ITSN2: variants seen among roughly 807,000 people sequenced by gnomAD.
ITSN2 encodes intersectin-2.
A neutral mutation model predicts 243.7 loss-of-function variants in ITSN2; 156 were observed. The observed-to-expected ratio is 0.64, with a 90% CI of 0.56 to 0.73. The LOEUF (loss-of-function observed/expected upper bound fraction) is 0.73, where lower values mean the gene tolerates loss of function less well. Among genes scored for constraint, ITSN2 ranks in the 30% least tolerant of loss-of-function variants. The pLI is 0.00. For missense variants in ITSN2, 1,801 were observed against 1,996.1 expected (o/e 0.90, Z 1.86); for synonymous variants, 703 against 699.9 (o/e 1.00, Z -0.07).
intron 20 of ITSN2, among the ~76,000 whole-genome samples, chr2:24,269,694 T>C (rs1677109659): frequency 6.6e-6 from 1 of 152,216 alleles, no homozygotes; most frequent in Admixed American, 6.5e-5. Context: ...TCTTATTCAC[T>C]AAATCCCTAG....
intron 29 of ITSN2, among the ~76,000 whole-genome samples, chr2:24,244,582 T>C (rs1220455062): frequency 6.6e-6 from 1 of 152,150 alleles, no homozygotes; most frequent in Non-Finnish European, 1.5e-5. Flanking sequence ...CCAAACCCAG[T>C]AGGTCTGAAA....
intron 2 of ITSN2, among the ~76,000 whole-genome samples, chr2:24,320,712 A>C (rs1684465215): frequency 7.0e-6 from 1 of 142,800 alleles, no homozygotes; most frequent in African/African-American, 2.6e-5. Flanking sequence ...GTCTCAACAA[A>C]AAACAAACAA....
At chr2:24,289,485 G>C (rs1311041456) in intron 15 of ITSN2, among the ~76,000 whole-genome samples, 1 of 152,176 alleles carries the variant, frequency 6.6e-6, no homozygotes, top group African/African-American at 2.4e-5. Flanking sequence ...TCATGTATTA[G>C]TTCTAAGTTT....
At chr2:24,285,181 C>T (rs568197082) in intron 16 of ITSN2, among the ~76,000 whole-genome samples, 8 of 152,264 alleles carry the variant, frequency 5.3e-5, no homozygotes, top group African/African-American at 1.9e-4. Flanking sequence ...AGGCATGAGC[C>T]ACCATGCCCA....
chr2:24,277,550 T>C (rs1678169378), intron 17 of ITSN2, among the ~76,000 whole-genome samples: 3 of 152,158 alleles, frequency 2.0e-5, no homozygotes, highest in African/African-American at 4.8e-5. Flanking sequence ...CTAAATTCTA[T>C]TGAAAAGCAG....
intron 29 of ITSN2, among the ~76,000 whole-genome samples, chr2:24,233,323 A>G (rs1050551738): frequency 2.6e-5 from 4 of 152,176 alleles, no homozygotes; most frequent in African/African-American, 7.2e-5. Context: ...ATTCTATAGC[A>G]CTGGCTGACT....
chr2:24,290,951 T>A (rs115080245), intron 15 of ITSN2, among the ~76,000 whole-genome samples: 135 of 152,338 alleles, frequency 8.9e-4, no homozygotes, highest in African/African-American at 3.2e-3. Context: ...CCTAATCTTG[T>A]ACAATTTATT....
At chr2:24,333,446 A>C (rs1407293990) in intron 1 of ITSN2, among the ~76,000 whole-genome samples, 1 of 152,226 alleles carries the variant, frequency 6.6e-6, no homozygotes, top group African/African-American at 2.4e-5. Context: ...AGTGCAACTG[A>C]AGTCAGCATC....
Position 24,221,010 on chromosome 2 carries a change from CCT to C in ITSN2, c.3632_3633del (p.Gln1211ArgfsTer5). ...DTMQPIERKR[Q>X]GYIHELIQTE... ...GTCTGAATCAGCTCATGAATATAGC[CCT>C]GTCTTTTCCTCTCAATTGGCTGCAT... On this transcript the variant is annotated frameshift_variant, in exon 30 of 40. Coordinates refer to ENST00000355123, the MANE Select transcript of ITSN2 (RefSeq NM_006277.3). LOFTEE classifies it high-confidence loss of function. 6.2e-7 allele frequency: 1 copy of C among 1,609,462 alleles called. No homozygotes were observed. Among genetic ancestry groups the C allele is most frequent in the South Asian group, 1.1e-5 (1 of 89,940 alleles).
intron 17 of ITSN2, among the ~76,000 whole-genome samples, chr2:24,276,370 C>T (rs564700438): frequency 2.0e-5 from 3 of 152,200 alleles, no homozygotes; most frequent in South Asian, 2.1e-4. Context: ...GAAAAGCATT[C>T]CAAACAGGAG....
At chr2:24,274,948 A>C (rs971081714) in intron 18 of ITSN2, among the ~76,000 whole-genome samples, 3 of 152,250 alleles carry the variant, frequency 2.0e-5, no homozygotes, top group Non-Finnish European at 2.9e-5. Flanking sequence ...TGGCAGAAAA[A>C]TACCATGCAA....
In ITSN2 at chr2:24,353,907, T is replaced by G. The variant is rs576707047; in HGVS notation, c.-34+6397A>C. Among the ~76,000 whole-genome samples the G allele has an allele frequency of 3.9e-4, 59 of 152,326 alleles. No homozygotes were observed. The South Asian group carries it at 7.5e-3, about 19-fold the overall frequency. ...GAATATACTAAGCCAAGTATCATGC[T>G]TCCACTTAAAATCAAATTCATATGA... On this transcript the variant is annotated intron_variant, in intron 1 of 39. Coordinates refer to ENST00000355123, the MANE Select transcript of ITSN2 (RefSeq NM_006277.3).
chr2:24,341,157 A>C (rs1193389931), intron 1 of ITSN2, among the ~76,000 whole-genome samples: 1 of 152,218 alleles, frequency 6.6e-6, no homozygotes, highest in East Asian at 1.9e-4. Context: ...CCAAGATAGA[A>C]GCTCTAAGAA....
intron 29 of ITSN2, among the ~76,000 whole-genome samples, chr2:24,222,163 A>G (rs1200491370): frequency 6.6e-6 from 1 of 150,530 alleles, no homozygotes; most frequent in African/African-American, 2.4e-5. Flanking sequence ...GAGGCAGCAG[A>G]ATGGTGTGAA....
At chr2:24,229,181 TAG>T (rs901387256) in intron 29 of ITSN2, among the ~76,000 whole-genome samples, 5 of 152,200 alleles carry the variant, frequency 3.3e-5, no homozygotes, top group Non-Finnish European at 5.9e-5. Context: ...ATAATCGTAG[TAG>T]AGTTTAATAT....
intron 12 of ITSN2, among the ~76,000 whole-genome samples, chr2:24,299,636 A>G (rs1320049279): frequency 2.0e-5 from 3 of 152,078 alleles, no homozygotes; most frequent in African/African-American, 7.2e-5. Context: ...TCCTCACTCA[A>G]CTTAGCTCTG....
intron 1 of ITSN2, among the ~76,000 whole-genome samples, chr2:24,347,943 G>A (rs1687697484): frequency 6.6e-6 from 1 of 151,976 alleles, no homozygotes; most frequent in South Asian, 2.1e-4. Flanking sequence ...GTGATGGGTG[G>A]TGTGCATCTA....
chr2:24,242,314 T>TA (rs1157631699), intron 29 of ITSN2: 2 of 152,580 alleles, frequency 1.3e-5, no homozygotes, highest in African/African-American at 2.4e-5. Flanking sequence ...TTTGAACTGT[T>TA]AAAATTCTCT....
chr2:24,278,414 T>C (rs373329260), intron 17 of ITSN2, among the ~76,000 whole-genome samples: 136 of 152,262 alleles, frequency 8.9e-4, no homozygotes, highest in African/African-American at 3.1e-3. Context: ...TAAATATTTA[T>C]TGGACAAATG....
Sources: gnomAD v4.1 joint callset for allele counts (sites outside exome capture counted in the v4.1 genomes callset) on GRCh38, gnomAD v4.1.1 for gene constraint, MANE v1.5 for transcripts, NCBI Gene and HGNC (gene_info 2026-07-23, HGNC 2026-07-21) for gene names.